The following SMYD3 variants were observed in gnomAD, a reference collection of about 807,000 sequenced individuals.
The protein encoded by SMYD3 is SET and MYND domain containing 3.
In SMYD3, 36 loss-of-function variants were observed where a neutral mutation model predicts 57.7. That is an observed-to-expected ratio of 0.62 (90% confidence interval 0.48 to 0.82). SMYD3 has a LOEUF of 0.82. SMYD3 is among the 40% of genes least tolerant of loss of function. The pLI, the probability that SMYD3 is intolerant of heterozygous loss-of-function variation, is 0.00. For missense variants in SMYD3, 515 were observed against 538.8 expected (o/e 0.96, Z 0.44); for synonymous variants, 211 against 195.0 (o/e 1.08, Z -0.68).
At chr1:245,944,796 T>C (rs547678279) in intron 5 of SMYD3, among the ~76,000 whole-genome samples, 50 of 152,222 alleles carry the variant, frequency 3.3e-4, no homozygotes, top group African/African-American at 1.1e-3. Flanking sequence ...AACAGACATA[T>C]AGACTAATGG....
chr1:246,051,924 T>G (rs1257397108), intron 5 of SMYD3, among the ~76,000 whole-genome samples: 1 of 152,190 alleles, frequency 6.6e-6, no homozygotes, highest in Non-Finnish European at 1.5e-5. Context: ...ATTTGAATGT[T>G]TTTTAATCAG....
intron 5 of SMYD3, among the ~76,000 whole-genome samples, chr1:245,964,637 A>G (rs556179776): frequency 1.4e-3 from 220 of 152,354 alleles, no homozygotes; most frequent in Non-Finnish European, 2.0e-3. Flanking sequence ...AAATTCTAAG[A>G]AAGCAAAAGT....
chr1:245,899,446 G>A (rs189724949), intron 8 of SMYD3, among the ~76,000 whole-genome samples: 6 of 152,272 alleles, frequency 3.9e-5, no homozygotes, highest in East Asian at 1.9e-4. Context: ...AAACAGGAGC[G>A]GGGAGGGGCC....
intron 5 of SMYD3, among the ~76,000 whole-genome samples, chr1:246,187,329 G>A (rs1476202242): frequency 1.3e-5 from 2 of 151,338 alleles, no homozygotes; most frequent in African/African-American, 4.8e-5. Flanking sequence ...GAAACAAATA[G>A]GAATGAAGAG....
chr1:245,939,901 T>C (rs1006992125), intron 5 of SMYD3, among the ~76,000 whole-genome samples: 7 of 152,256 alleles, frequency 4.6e-5, no homozygotes, highest in Middle Eastern at 6.8e-3. Flanking sequence ...GAGGCCTTCA[T>C]GTCATTGAAA....
At chr1:245,982,852 G>A (rs1335103981) in intron 5 of SMYD3, among the ~76,000 whole-genome samples, 1 of 152,210 alleles carries the variant, frequency 6.6e-6, no homozygotes, top group Non-Finnish European at 1.5e-5. Flanking sequence ...CACCTTTGGA[G>A]ATGTGGCCAA....
At chr1:246,047,198 A>G (rs1459934722) in intron 5 of SMYD3, among the ~76,000 whole-genome samples, 1 of 152,214 alleles carries the variant, frequency 6.6e-6, no homozygotes, top group Non-Finnish European at 1.5e-5. Flanking sequence ...CAGTAAAGAA[A>G]AGTGTGCAAA....
intron 5 of SMYD3, among the ~76,000 whole-genome samples, chr1:246,224,604 GAGAA>G (rs951793533): frequency 5.9e-5 from 9 of 151,912 alleles, no homozygotes; most frequent in Admixed American, 2.0e-4. Flanking sequence ...GGGCGCCACT[GAGAA>G]AGAATATAGA....
chr1:246,421,749 G>A (rs1488306121), intron 1 of SMYD3, among the ~76,000 whole-genome samples: 2 of 152,206 alleles, frequency 1.3e-5, no homozygotes, highest in African/African-American at 4.8e-5. Flanking sequence ...CAGGGAGAGG[G>A]AAGCTGAGCT....
rs747432461 is a variant in SMYD3, at chr1:246,355,142, T to G, written c.165-48A>C. The stretch of plus-strand genomic sequence containing the variant: ...TGCATTAAGAAATGAGTGGGAAACA[T>G]AGTACATAGTTGAAGAAAGAAAACA... On this transcript the variant is annotated intron_variant, in intron 1 of 11. Coordinates refer to ENST00000490107, the MANE Select transcript of SMYD3 (RefSeq NM_001167740.2). This position sits in a 1 kb window ranked among gnomAD's most constrained non-coding sequence, Gnocchi z 5.0. 4.2e-5 allele frequency: 66 copies of G among 1,553,098 alleles called. No homozygotes were observed. The highest frequency in any genetic ancestry group is 5.8e-5 in the Non-Finnish European group (65 of 1,124,664).
intron 1 of SMYD3, among the ~76,000 whole-genome samples, chr1:246,400,032 A>G (rs1353866934): frequency 2.0e-5 from 3 of 152,200 alleles, no homozygotes; most frequent in African/African-American, 7.2e-5. Flanking sequence ...TAAAATTTTC[A>G]TCTTTCTCTG....
chr1:246,455,826 G>A (rs2067692989), intron 1 of SMYD3, among the ~76,000 whole-genome samples: 1 of 152,178 alleles, frequency 6.6e-6, no homozygotes, highest in South Asian at 2.1e-4. Context: ...TAAACTTGGA[G>A]GCAGATATAG....
In SMYD3 at chr1:246,462,733, T is replaced by C. The variant is rs376126128; in HGVS notation, c.164+44321A>G. On this transcript the variant is annotated intron_variant, in intron 1 of 11. Transcript: ENST00000490107. ...AAGAAATCAGGATTCAGAGAAATCT[T>C]AGATAGCTCACTCTATGAGCTAACA... is the stretch of plus-strand genomic sequence containing the variant. Among the ~76,000 whole-genome samples the C allele has an allele frequency of 5.3e-5, 8 of 152,290 alleles. No homozygotes were observed. In the South Asian group the frequency reaches 1.7e-3, roughly 32 times the overall value.
intron 5 of SMYD3, among the ~76,000 whole-genome samples, chr1:246,300,099 A>G (rs1480184664): frequency 6.6e-6 from 1 of 152,142 alleles, no homozygotes; most frequent in African/African-American, 2.4e-5. Context: ...TATACGTGGT[A>G]TGCATGTAGC....
intron 5 of SMYD3, among the ~76,000 whole-genome samples, chr1:246,126,791 C>T (rs1305058093): frequency 6.6e-6 from 1 of 152,186 alleles, no homozygotes; most frequent in Non-Finnish European, 1.5e-5. Flanking sequence ...CATCTGATGA[C>T]ATCATTTTAT....
chr1:246,348,077 T>TATATATATATATATATATATATATAAAC, intron 2 of SMYD3, among the ~76,000 whole-genome samples: 1 of 86,488 alleles, frequency 1.2e-5, no homozygotes. Context: ...TATATATATA[T>TATATATATATATATATATATATATAAAC]ACACACACAC....
intron 1 of SMYD3, among the ~76,000 whole-genome samples, chr1:246,480,885 G>C (rs998707294): frequency 1.3e-5 from 2 of 151,878 alleles, no homozygotes; most frequent in African/African-American, 4.8e-5. Flanking sequence ...TGCAACCTCA[G>C]CCTCCCAGGT....
At chr1:246,070,027 G>C (rs576479111) in intron 5 of SMYD3, among the ~76,000 whole-genome samples, 113 of 152,256 alleles carry the variant, frequency 7.4e-4, no homozygotes, top group Admixed American at 1.2e-3. Context: ...CTAAATCTGT[G>C]TTCAGAGAGT....
chr1:246,177,799 TCGAAGG>T (rs1196593874), intron 5 of SMYD3, among the ~76,000 whole-genome samples: 1 of 152,180 alleles, frequency 6.6e-6, no homozygotes, highest in Non-Finnish European at 1.5e-5. Flanking sequence ...AGTTGCTACT[TCGAAGG>T]ATTCAGATAT....
Sources: gnomAD v4.1 joint callset for allele counts (sites outside exome capture counted in the v4.1 genomes callset) on GRCh38, gnomAD v4.1.1 for gene constraint, Gnocchi (gnomAD v3.1) non-coding constraint, MANE v1.5 for transcripts, NCBI Gene and HGNC (gene_info 2026-07-23, HGNC 2026-07-21) for gene names.